The following CARMIL1 variants were observed in gnomAD, a reference collection of about 807,000 sequenced individuals.
The protein encoded by CARMIL1 is F-actin-uncapping protein LRRC16A.
In CARMIL1, 90 loss-of-function variants were observed where a neutral mutation model predicts 177.1. The ratio of observed to expected loss-of-function variants is 0.51; its 90% CI spans 0.43 to 0.61. The LOEUF is 0.61. Among genes scored for constraint, CARMIL1 ranks in the 20% least tolerant of loss-of-function variants. The probability of loss-of-function intolerance (pLI) is 0.00; values close to 1 mark genes in which losing one functional copy is unlikely to be tolerated. For missense variants in CARMIL1, 1,380 were observed against 1,667.0 expected, an observed-to-expected ratio of 0.83 and a Z score of 3.00; for synonymous variants, 577 against 606.2, an observed-to-expected ratio of 0.95 and a Z score of 0.71.
chr6:25,354,216 G>T (rs1026032197), intron 2 of CARMIL1, among the ~76,000 whole-genome samples: 3 of 151,964 alleles, frequency 2.0e-5, no homozygotes, highest in Non-Finnish European at 2.9e-5. Flanking sequence ...CTAGGGTGCA[G>T]TGATGTGATC....
intron 8 of CARMIL1, among the ~76,000 whole-genome samples, chr6:25,465,327 G>A (rs775308899): frequency 8.5e-5 from 13 of 152,098 alleles, no homozygotes; most frequent in Admixed American, 5.2e-4. Flanking sequence ...CCAAGAGTTT[G>A]AGACTAGCCT....
chr6:25,388,548 T>C (rs1792413898), intron 2 of CARMIL1, among the ~76,000 whole-genome samples: 1 of 152,172 alleles, frequency 6.6e-6, no homozygotes, highest in Non-Finnish European at 1.5e-5. Context: ...GTATTTTTAG[T>C]AGAGACGGGG....
chr6:25,537,223 T>C (rs367890076), intron 24 of CARMIL1, among the ~76,000 whole-genome samples: 3 of 152,234 alleles, frequency 2.0e-5, no homozygotes, highest in African/African-American at 4.8e-5. Flanking sequence ...AACTAGATGA[T>C]ATTGACTTCA....
At position 25,279,490 on chromosome 6, in the gene CARMIL1, C is replaced by A. The variant is rs999340413; in HGVS notation, c.-306C>A. The A allele has an allele frequency of 8.4e-6, 4 of 473,626 alleles. No homozygotes were observed. Among genetic ancestry groups the A allele is most frequent in the Admixed American group, 6.9e-5 (2 of 28,954 alleles). The allele number at this position is 473,626 out of a possible 1,614,324, so 29.3% of individuals were successfully genotyped here. A position where few individuals can be genotyped will look rare whatever the true frequency, so the allele number is the denominator to read the frequency against. On this transcript the variant is annotated 5_prime_UTR_variant, in exon 1 of 37. Transcript: ENST00000329474. ...CCAGCGAGCCGGGAGGAGGAGCAGG[C>A]GCCACAGCCGCCCCGCGCCCCGCGC...
At chr6:25,335,472 T>C (rs552199198) in intron 2 of CARMIL1, among the ~76,000 whole-genome samples, 4 of 152,346 alleles carry the variant, frequency 2.6e-5, no homozygotes, top group South Asian at 2.1e-4. Context: ...TAAAAAGATA[T>C]ATTTTCTGTG....
chr6:25,583,618 C>A (rs540577654), intron 31 of CARMIL1, among the ~76,000 whole-genome samples: 7 of 152,262 alleles, frequency 4.6e-5, no homozygotes, highest in African/African-American at 1.7e-4. Flanking sequence ...TTAGATCAGG[C>A]TTTTGTTGTG....
intron 22 of CARMIL1, among the ~76,000 whole-genome samples, chr6:25,519,287 G>A (rs301371): frequency 0.41 from 62,743 of 152,010 alleles, 13,301 homozygotes; most frequent in Middle Eastern, 0.51. Context: ...CAAGTAGCCC[G>A]AGGTGAAATT....
intron 8 of CARMIL1, among the ~76,000 whole-genome samples, chr6:25,459,043 C>A (rs1209052223): frequency 2.0e-5 from 3 of 151,520 alleles, no homozygotes; most frequent in African/African-American, 7.3e-5. Context: ...TTTGGATTTC[C>A]TGAGACTAGT....
intron 24 of CARMIL1, among the ~76,000 whole-genome samples, chr6:25,537,518 A>G (rs938949390): frequency 4.6e-5 from 7 of 152,212 alleles, no homozygotes; most frequent in African/African-American, 7.2e-5. Context: ...AGGAGTTAGT[A>G]TCTAGCAAAA....
chr6:25,355,037 C>T (rs1788451751), intron 2 of CARMIL1, among the ~76,000 whole-genome samples: 1 of 152,140 alleles, frequency 6.6e-6, no homozygotes, highest in African/African-American at 2.4e-5. Flanking sequence ...GAGGGATGTA[C>T]ATCTAGAATG....
chr6:25,459,278 TTTA>T (rs1799925027), intron 8 of CARMIL1, among the ~76,000 whole-genome samples: 2 of 41,988 alleles, frequency 4.8e-5, no homozygotes, highest in African/African-American at 1.4e-4. Flanking sequence ...TTTTTTTTTT[TTTA>T]AGACAGGGTC....
At chr6:25,593,516 T>C (rs1249508846) in intron 31 of CARMIL1, among the ~76,000 whole-genome samples, 2 of 152,228 alleles carry the variant, frequency 1.3e-5, no homozygotes, top group African/African-American at 4.8e-5. Context: ...TACTCAATAC[T>C]GACTCAAAAG....
chr6:25,470,105 T>G (rs1452651151), intron 9 of CARMIL1, among the ~76,000 whole-genome samples: 4 of 152,292 alleles, frequency 2.6e-5, no homozygotes, highest in Middle Eastern at 6.8e-3. Context: ...TTGACATTTT[T>G]TATTACATGA....
intron 29 of CARMIL1, among the ~76,000 whole-genome samples, chr6:25,569,881 G>A (rs1811906688): frequency 6.6e-6 from 1 of 151,830 alleles, no homozygotes. Context: ...CTTTGTTTAT[G>A]TTTTCACAAT....
At chr6:25,321,698 G>A (rs1176851238) in intron 2 of CARMIL1, among the ~76,000 whole-genome samples, 7 of 149,202 alleles carry the variant, frequency 4.7e-5, no homozygotes, top group Admixed American at 3.3e-4. Context: ...TCTTGCTGTT[G>A]CCCAGGCTGG....
chr6:25,361,207 A>G (rs1335680740), intron 2 of CARMIL1, among the ~76,000 whole-genome samples: 1 of 152,002 alleles, frequency 6.6e-6, no homozygotes, highest in Non-Finnish European at 1.5e-5. Context: ...ATTCTGATTA[A>G]TTTTTCTTTT....
chr6:25,499,354 T>C (rs180941965), intron 16 of CARMIL1, among the ~76,000 whole-genome samples: 5 of 152,338 alleles, frequency 3.3e-5, no homozygotes, highest in Non-Finnish European at 7.3e-5. Flanking sequence ...AACCATCTTA[T>C]GTTCATCTCT....
At chr6:25,379,433 G>A (rs1382800259) in intron 2 of CARMIL1, among the ~76,000 whole-genome samples, 1 of 152,170 alleles carries the variant, frequency 6.6e-6, no homozygotes, top group Non-Finnish European at 1.5e-5. Flanking sequence ...AATTTTGAAT[G>A]TGACCATGAA....
intron 13 of CARMIL1, among the ~76,000 whole-genome samples, chr6:25,490,225 AAT>A (rs956601529): frequency 6.6e-6 from 1 of 152,138 alleles, no homozygotes; most frequent in Non-Finnish European, 1.5e-5. Context: ...AGTGTGGCCA[AAT>A]AGTCTTGTCA....
Sources: allele counts gnomAD v4.1 joint callset (sites outside exome capture counted in the v4.1 genomes callset), GRCh38; gene constraint gnomAD v4.1.1; transcripts MANE v1.5; gene names NCBI Gene and HGNC (gene_info 2026-07-23, HGNC 2026-07-21).